The following GDI2 variants were observed in gnomAD, a reference collection of about 807,000 sequenced individuals.
The protein encoded by GDI2 is rab GDP dissociation inhibitor beta.
In GDI2, 22 loss-of-function variants were observed where a neutral mutation model predicts 54.2. The ratio of observed to expected loss-of-function variants is 0.41; its 90% CI spans 0.29 to 0.58. The LOEUF (loss-of-function observed/expected upper bound fraction) is 0.58. Ranked by LOEUF, GDI2 falls within the 20% of genes least tolerant of loss-of-function variation. GDI2 has a pLI of 0.35. For missense variants in GDI2, 422 were observed against 546.0 expected (o/e 0.77, Z 2.26); for synonymous variants, 177 against 182.1 (o/e 0.97, Z 0.23).
intron 1 of GDI2, among the ~76,000 whole-genome samples, chr10:5,808,973 G>A (rs899596128): frequency 4.6e-5 from 7 of 152,136 alleles, no homozygotes; most frequent in South Asian, 2.1e-4. Context: ...AGCCAGGCGC[G>A]GTGGCTCATG....
At position 5,813,277 on chromosome 10, in the gene GDI2, G is replaced by C. The variant is rs1258960345; in HGVS notation, c.-19C>G. ...CATTCATGGCGGGGCAGGCGCGGAC[G>C]CAGGACCCGAGCAAGGAAAAGGCGC... is the stretch of plus-strand genomic sequence containing the variant. On this transcript the variant is annotated 5_prime_UTR_variant, in exon 1 of 11. Transcript: ENST00000380191. The C allele has an allele frequency of 3.2e-6, 5 of 1,564,800 alleles. No individual in the cohort carries two copies. The highest frequency in any genetic ancestry group is 3.5e-6 in the Non-Finnish European group (4 of 1,157,044).
At chr10:5,781,476 T>G (rs1840753540) in intron 6 of GDI2, among the ~76,000 whole-genome samples, 1 of 151,396 alleles carries the variant, frequency 6.6e-6, no homozygotes, top group Non-Finnish European at 1.5e-5. Flanking sequence ...ATACAAAAAA[T>G]TAGCCGGGCG....
Position 5,800,611 on chromosome 10 carries a change from GT to G in GDI2, c.139del (p.Thr47HisfsTer30). ...PYYGGESASI[T>X]PLEDLYKRFK... ...ACTAACACTTACATCTTCCAATGGTGTTATAGATGCACTCTCTCCTCCGTAG... is the reference window on the plus strand; with the variant it reads ...ACTAACACTTACATCTTCCAATGGTGTATAGATGCACTCTCTCCTCCGTAG... On this transcript the variant is annotated frameshift_variant, in exon 2 of 11. Coordinates refer to ENST00000380191, the MANE Select transcript of GDI2 (RefSeq NM_001494.4). LOFTEE classifies it high-confidence loss of function. The G allele has an allele frequency of 6.5e-7, 1 of 1,527,668 alleles. No homozygotes were observed. Among genetic ancestry groups the G allele is most frequent in the Non-Finnish European group, 9.1e-7 (1 of 1,101,046 alleles). The allele number at this position is 1,527,668 out of a possible 1,614,324, so 94.6% of individuals were successfully genotyped here.
At chr10:5,767,440 A>C (rs923066472) in intron 8 of GDI2, among the ~76,000 whole-genome samples, 9 of 152,094 alleles carry the variant, frequency 5.9e-5, no homozygotes, top group Non-Finnish European at 1.5e-5. Context: ...CAGCCTCCCA[A>C]GTAGCTAGGA....
chr10:5,770,471 A>G (rs986515978), intron 7 of GDI2, among the ~76,000 whole-genome samples: 1 of 152,160 alleles, frequency 6.6e-6, no homozygotes, highest in Non-Finnish European at 1.5e-5. Context: ...CTGAGGCAGG[A>G]GAATCACTTG....
Position 5,812,884 on chromosome 10 carries a change from C to A in GDI2, c.45+330G>T, listed in dbSNP as rs114362919. Among the ~76,000 whole-genome samples, 542 of 152,280 alleles carry A rather than the reference C, an allele frequency of 3.6e-3. 3 individuals are homozygous for A. The highest frequency in any genetic ancestry group is 0.012 in the African/African-American group (515 of 41,562). ...GAGGTCACCGGCCCAAACCGGGGAGCGGGACCCTTGGCCCGGGCGGCCTTC... is the reference window on the plus strand; with the variant it reads ...GAGGTCACCGGCCCAAACCGGGGAGAGGGACCCTTGGCCCGGGCGGCCTTC... On this transcript the variant is annotated intron_variant, in intron 1 of 10. Transcript: ENST00000380191.
chr10:5,804,415 C>T (rs1841332886), intron 1 of GDI2, among the ~76,000 whole-genome samples: 1 of 152,026 alleles, frequency 6.6e-6, no homozygotes, highest in Non-Finnish European at 1.5e-5. Context: ...TTCTTTAGCT[C>T]AAGAAACAAA....
In GDI2 at chr10:5,785,264, A is replaced by T; in HGVS notation, c.597T>A (p.Asp199Glu). ...TATTAATGGTTTCATAACACGGTTG[A>T]TCTAAGTAACTGGAAGAAAGGAAAT... ...LALYRTDDYL[D>E]QPCYETINRI... The change falls in exon 6 of 11, where the codon GAT (aspartate) becomes GAA (glutamate). Residue 199 changes from aspartate to glutamate, a missense_variant. Coordinates refer to ENST00000380191, the MANE Select transcript of GDI2 (RefSeq NM_001494.4). 7 of 1,595,146 alleles carry T rather than the reference A, an allele frequency of 4.4e-6. No homozygotes were observed. The highest frequency in any genetic ancestry group is 6.0e-6 in the Non-Finnish European group (7 of 1,165,366).
chr10:5,796,348 C>A (rs1267411751), intron 3 of GDI2, among the ~76,000 whole-genome samples: 363 of 143,626 alleles, frequency 2.5e-3, no homozygotes, highest in Non-Finnish European at 3.2e-3. Context: ...GACTCCGTCT[C>A]AAAAAAAAAA....
intron 7 of GDI2, among the ~76,000 whole-genome samples, chr10:5,772,200 ATAC>A (rs1290907892): frequency 6.6e-6 from 1 of 152,226 alleles, no homozygotes; most frequent in Non-Finnish European, 1.5e-5. Flanking sequence ...GAAGACAGTG[ATAC>A]TGATGACCCC....
At chr10:5,812,074 T>C (rs373982969) in intron 1 of GDI2, 30 of 241,306 alleles carry the variant, frequency 1.2e-4, no homozygotes, top group South Asian at 1.1e-3. Flanking sequence ...GTACATAGGA[T>C]ACACAAGATT....
At chr10:5,789,866 C>T (rs1449135386) in intron 4 of GDI2, among the ~76,000 whole-genome samples, 1 of 152,202 alleles carries the variant, frequency 6.6e-6, no homozygotes, top group Non-Finnish European at 1.5e-5. Flanking sequence ...ACTGTAATAA[C>T]TCTGGAGCCA....
At chr10:5,811,937 G>A in intron 1 of GDI2, 1 of 1,045,592 alleles carries the variant, frequency 9.6e-7, no homozygotes, top group Non-Finnish European at 1.3e-6. Context: ...ACATCTAAAA[G>A]TGTTATTTTG....
rs777580570 is a variant in GDI2 at position 5,794,992 on chromosome 10, G to A, written c.281C>T (p.Thr94Ile). 2 of 1,590,150 alleles carry A rather than the reference G, an allele frequency of 1.3e-6. No homozygotes were observed. The highest frequency in any genetic ancestry group is 1.1e-5 in the South Asian group (1 of 90,522). ...NGQLVKMLLY[T>I]EVTRYLDFKV... ...AAAATCCAGATAGCGAGTTACCTCT[G>A]TATAAAGCAGCATCTTAACCAGCTG... is the stretch of plus-strand genomic sequence containing the variant. Residue 94 changes from threonine (T) to isoleucine (I), a missense_variant, in exon 4 of 11, where the codon ACA becomes ATA. By Grantham distance (89) the Thr-to-Ile change is moderately conservative. Transcript: ENST00000380191.
At chr10:5,767,513 C>G (rs1038583934) in intron 8 of GDI2, among the ~76,000 whole-genome samples, 1 of 151,946 alleles carries the variant, frequency 6.6e-6, no homozygotes, top group Non-Finnish European at 1.5e-5. Flanking sequence ...TTTGTAGAGA[C>G]GAGCTCTCAC....
intron 6 of GDI2, among the ~76,000 whole-genome samples, chr10:5,782,632 A>G (rs1238517879): frequency 6.6e-6 from 1 of 152,200 alleles, no homozygotes; most frequent in African/African-American, 2.4e-5. Flanking sequence ...ATTCTACTCA[A>G]CAATTAAAAA....
intron 2 of GDI2, among the ~76,000 whole-genome samples, chr10:5,798,667 G>A (rs1434338607): frequency 6.6e-6 from 1 of 151,556 alleles, no homozygotes; most frequent in African/African-American, 2.4e-5. Context: ...CTTACTCATT[G>A]TATTGAAGAT....
At position 5,800,722 on chromosome 10, in the gene GDI2, G is replaced by A. The variant is rs1182297288; in HGVS notation, c.46-17C>T. On this transcript the variant is annotated splice_polypyrimidine_tract_variant and intron_variant, in intron 1 of 10. Transcript: ENST00000380191. ...GATACATTCCTATAGAAAAAGCATA[G>A]TACCTTGAAAAGAAAGTTCTACAGC... 1.6e-6 allele frequency: 2 copies of A among 1,252,480 alleles called. No homozygotes were observed. Among genetic ancestry groups the A allele is most frequent in the East Asian group, 4.7e-5 (2 of 43,000 alleles). The allele number at this position is 1,252,480 out of a possible 1,614,324, so 77.6% of individuals were successfully genotyped here.
At chr10:5,767,810 A>AG (rs760458221) in intron 8 of GDI2, among the ~76,000 whole-genome samples, 18 of 152,246 alleles carry the variant, frequency 1.2e-4, no homozygotes, top group Admixed American at 3.3e-4. Context: ...CAGAAATGAA[A>AG]GGTGGACACT....
Sources: allele counts gnomAD v4.1 joint callset (sites outside exome capture counted in the v4.1 genomes callset), GRCh38; gene constraint gnomAD v4.1.1; transcripts MANE v1.5; gene names NCBI Gene and HGNC (gene_info 2026-07-23, HGNC 2026-07-21).